The following NRG1 variants were observed in gnomAD, a reference collection of about 807,000 sequenced individuals.
NRG1 encodes the protein neuregulin 1, also known as pro-neuregulin-1, membrane-bound isoform.
A neutral mutation model predicts 63.8 loss-of-function variants in NRG1; 18 were observed. That is an observed-to-expected ratio of 0.28 (90% CI 0.19 to 0.42). The LOEUF (loss-of-function observed/expected upper bound fraction) is 0.42. NRG1 is among the 10% of genes least tolerant of loss of function. NRG1 has a pLI of 1.00. For missense variants in NRG1, 762 were observed against 814.7 expected (o/e 0.94, Z 0.79); for synonymous variants, 302 against 301.3 (o/e 1.00, Z -0.02).
At chr8:31,901,562 G>T (rs754246003) in intron 1 of NRG1, among the ~76,000 whole-genome samples, 1 of 152,138 alleles carries the variant, frequency 6.6e-6, no homozygotes, top group Non-Finnish European at 1.5e-5. Flanking sequence ...AAAGGCCAAA[G>T]ATCCATTTTA....
intron 1 of NRG1, among the ~76,000 whole-genome samples, chr8:32,378,910 G>A (rs1411759891): frequency 1.3e-5 from 2 of 151,796 alleles, no homozygotes; most frequent in African/African-American, 4.8e-5. Flanking sequence ...GAGAATGATG[G>A]TTTCCAGTTT....
intron 1 of NRG1, among the ~76,000 whole-genome samples, chr8:31,672,038 A>C (rs1321170502): frequency 6.6e-6 from 1 of 152,148 alleles, no homozygotes; most frequent in African/African-American, 2.4e-5. Context: ...GTCTTACTGT[A>C]ATTAAATTTC....
intron 1 of NRG1, among the ~76,000 whole-genome samples, chr8:32,162,787 G>A (rs1173722751): frequency 3.9e-5 from 6 of 152,292 alleles, no homozygotes; most frequent in Admixed American, 2.6e-4. Context: ...TGGATTATAA[G>A]CTTGAAGGAA....
intron 1 of NRG1, among the ~76,000 whole-genome samples, chr8:31,790,824 A>G (rs1482310484): frequency 6.6e-6 from 1 of 152,206 alleles, no homozygotes; most frequent in African/African-American, 2.4e-5. Flanking sequence ...GTCCAGAGAC[A>G]TGAGACACCT....
intron 1 of NRG1, among the ~76,000 whole-genome samples, chr8:32,246,069 T>C (rs975112194): frequency 2.0e-5 from 3 of 152,146 alleles, no homozygotes; most frequent in South Asian, 2.1e-4. Context: ...AAGAGTTTTA[T>C]TGAACCTATG....
intron 1 of NRG1, among the ~76,000 whole-genome samples, chr8:31,747,498 A>G (rs1176346298): frequency 4.6e-5 from 7 of 151,980 alleles, no homozygotes; most frequent in Admixed American, 3.3e-4. Context: ...TCTCCTCATC[A>G]TCATCCAGCA....
At chr8:32,085,015 CACA>C (rs1351510916) in intron 1 of NRG1, among the ~76,000 whole-genome samples, 2 of 152,160 alleles carry the variant, frequency 1.3e-5, no homozygotes, top group African/African-American at 2.4e-5. Flanking sequence ...TGACCTTTAG[CACA>C]ACAACTACAC....
intron 1 of NRG1, among the ~76,000 whole-genome samples, chr8:32,153,475 T>C (rs1837727231): frequency 6.6e-6 from 1 of 152,182 alleles, no homozygotes; most frequent in South Asian, 2.1e-4. Flanking sequence ...TAGCTGACAT[T>C]GTTACTCCTA....
intron 5 of NRG1, among the ~76,000 whole-genome samples, chr8:32,709,914 T>C (rs966710384): frequency 6.6e-6 from 1 of 152,196 alleles, no homozygotes; most frequent in Non-Finnish European, 1.5e-5. Context: ...TCTTCCAATT[T>C]TGCAGTTATT....
intron 1 of NRG1, among the ~76,000 whole-genome samples, chr8:31,688,788 A>G (rs953937943): frequency 2.6e-5 from 4 of 152,206 alleles, no homozygotes; most frequent in African/African-American, 9.6e-5. Flanking sequence ...TGCTCAGTTT[A>G]TATGTTCATT....
intron 1 of NRG1, among the ~76,000 whole-genome samples, chr8:32,394,676 G>A (rs1467701697): frequency 2.6e-5 from 4 of 152,140 alleles, no homozygotes; most frequent in African/African-American, 9.7e-5. Flanking sequence ...AAGCACAACT[G>A]GACATTTTTG....
chr8:32,601,660 C>T (rs1310496749), intron 2 of NRG1, among the ~76,000 whole-genome samples: 3 of 152,000 alleles, frequency 2.0e-5, no homozygotes, highest in Admixed American at 6.6e-5. Context: ...ATAATCCTCT[C>T]TAGTGATAAG....
chr8:32,596,290 G>A lies in NRG1; in HGVS notation c.278+285G>A, dbSNP rs112278304. ...GAAGAGAGCATTAGTGGTAGATGCTGTCATAGTAATAGATCCTAAAATTCA... is the reference window on the plus strand; with the variant it reads ...GAAGAGAGCATTAGTGGTAGATGCTATCATAGTAATAGATCCTAAAATTCA... On this transcript the variant is annotated intron_variant, in intron 2 of 11. Transcript: ENST00000356819. Among the ~76,000 whole-genome samples the A allele has an allele frequency of 8.2e-3, 1,255 of 152,232 alleles. 21 individuals are homozygous for A. The highest frequency in any genetic ancestry group is 0.028 in the African/African-American group (1,173 of 41,540).
At chr8:32,319,412 C>T (rs1563310312) in intron 1 of NRG1, among the ~76,000 whole-genome samples, 1 of 152,144 alleles carries the variant, frequency 6.6e-6, no homozygotes, top group East Asian at 1.9e-4. Context: ...GTCCAGAAAG[C>T]TTCAGAGAAG....
chr8:31,770,796 TAC>T (rs1156914990), intron 1 of NRG1, among the ~76,000 whole-genome samples: 2 of 144,550 alleles, frequency 1.4e-5, no homozygotes, highest in South Asian at 2.2e-4. Context: ...TATATATATA[TAC>T]ATATATAAAC....
At chr8:32,465,969 C>G (rs1280302907) in intron 1 of NRG1, among the ~76,000 whole-genome samples, 1 of 152,132 alleles carries the variant, frequency 6.6e-6, no homozygotes, top group Non-Finnish European at 1.5e-5. Context: ...AACAATGCTA[C>G]AGTGATGAGC....
chr8:31,702,799 C>T (rs1810759551), intron 1 of NRG1, among the ~76,000 whole-genome samples: 1 of 152,096 alleles, frequency 6.6e-6, no homozygotes, highest in Non-Finnish European at 1.5e-5. Flanking sequence ...CCCCATGATT[C>T]TGCAACAGCT....
At chr8:32,479,940 G>T (rs748804183) in intron 1 of NRG1, among the ~76,000 whole-genome samples, 1 of 152,068 alleles carries the variant, frequency 6.6e-6, no homozygotes, top group South Asian at 2.1e-4. Context: ...GAGCCACCAC[G>T]CCCAGCCCAT....
At chr8:32,477,152 G>C (rs1197997556) in intron 1 of NRG1, among the ~76,000 whole-genome samples, 1 of 152,110 alleles carries the variant, frequency 6.6e-6, no homozygotes, top group East Asian at 1.9e-4. Flanking sequence ...TCGTCTCACT[G>C]GGACCTGTGC....
Sources: allele counts gnomAD v4.1 joint callset (sites outside exome capture counted in the v4.1 genomes callset), GRCh38; gene constraint gnomAD v4.1.1; transcripts MANE v1.5; gene names NCBI Gene and HGNC (gene_info 2026-07-23, HGNC 2026-07-21).